CEP162: variants seen among roughly 807,000 people sequenced by gnomAD.
CEP162 encodes centrosomal protein 162, also known as centrosomal protein of 162 kDa.
Under a neutral mutation model 169.2 loss-of-function variants are expected in CEP162, and 141 were observed. That is an observed-to-expected ratio of 0.83 (90% CI 0.73 to 0.96). The LOEUF (loss-of-function observed/expected upper bound fraction) is 0.96, where lower values mean the gene tolerates loss of function less well. CEP162 is among the 40% of genes least tolerant of loss of function. The pLI, the probability that CEP162 is intolerant of heterozygous loss-of-function variation, is 0.00. For missense variants in CEP162, 1,600 were observed against 1,587.2 expected, an observed-to-expected ratio of 1.01 and a Z score of -0.14; for synonymous variants, 540 against 526.4, an observed-to-expected ratio of 1.03 and a Z score of -0.35.
At chr6:84,141,894 TA>T (rs919270499) in intron 25 of CEP162, among the ~76,000 whole-genome samples, 2 of 151,074 alleles carry the variant, frequency 1.3e-5, no homozygotes, top group African/African-American at 4.9e-5. Context: ...AAGAAAAACT[TA>T]AAAAAAAATA....
rs1469746213 is a variant in CEP162, at chr6:84,186,453, C to T, written c.1280G>A (p.Cys427Tyr). Residue 427 changes from cysteine to tyrosine, a missense_variant, in exon 12 of 27, where the codon TGT (cysteine) becomes TAT (tyrosine). Coordinates refer to ENST00000403245, the MANE Select transcript of CEP162 (RefSeq NM_014895.4). The stretch of plus-strand genomic sequence containing the variant: ...GGCAGTTACTTCAGTTACTTGTGGA[C>T]AGCTGTTTTCCATACTCTCATTTGT... ...KTTNESMENS[C>Y]PQVTEVTATE... The T allele has an allele frequency of 2.5e-6, 4 of 1,612,380 alleles. No individual in the cohort carries two copies. Among genetic ancestry groups the T allele is most frequent in the Non-Finnish European group, 2.5e-6 (3 of 1,178,776 alleles).
intron 2 of CEP162, among the ~76,000 whole-genome samples, chr6:84,224,249 CT>C (rs2099554852): frequency 6.6e-6 from 1 of 152,096 alleles, no homozygotes; most frequent in African/African-American, 2.4e-5. Context: ...ATGGATGAAC[CT>C]TGAAAACATC....
chr6:84,194,287 G>A (rs903855445), intron 10 of CEP162, among the ~76,000 whole-genome samples: 2 of 151,566 alleles, frequency 1.3e-5, no homozygotes, highest in African/African-American at 4.9e-5. Flanking sequence ...CCAGGGTGGC[G>A]GAGGCTGCTG....
chr6:84,161,641 A>T, intron 20 of CEP162, 105 bp downstream of exon 20: 1 of 811,570 alleles, frequency 1.2e-6, no homozygotes, highest in Non-Finnish European at 1.9e-6. Context: ...TTAATAGTTC[A>T]GATCTTAATT....
chr6:84,149,715 A>C lies in CEP162; in HGVS notation c.3630-12T>G. The C allele has an allele frequency of 6.8e-7, 1 of 1,474,366 alleles. No individual in the cohort carries two copies. Among genetic ancestry groups the C allele is most frequent in the Non-Finnish European group, 9.0e-7 (1 of 1,108,802 alleles). The allele number at this position is 1,474,366 out of a possible 1,614,324, so 91.3% of individuals were successfully genotyped here. On this transcript the variant is annotated splice_polypyrimidine_tract_variant and intron_variant, in intron 23 of 26. Coordinates refer to ENST00000403245, the MANE Select transcript of CEP162 (RefSeq NM_014895.4). ...TATCTTCCTTGACCCTACAGAGCAA[A>C]TGAAAGAAAACCACACATAAAAGTG... is the stretch of plus-strand genomic sequence containing the variant.
At chr6:84,150,427 T>C (rs2129200908) in intron 23 of CEP162, among the ~76,000 whole-genome samples, 2 of 152,274 alleles carry the variant, frequency 1.3e-5, no homozygotes, top group South Asian at 4.1e-4. Flanking sequence ...TTGCTATATA[T>C]TAATATGGTG....
chr6:84,145,467 T>C (rs938393337), intron 25 of CEP162, among the ~76,000 whole-genome samples: 12 of 152,168 alleles, frequency 7.9e-5, no homozygotes, highest in African/African-American at 2.7e-4. Context: ...TTATTGTGAT[T>C]ATCTCTGATA....
At chr6:84,194,785 GAAAC>G in intron 10 of CEP162, 95 bp downstream of exon 10, 2 of 993,840 alleles carry the variant, frequency 2.0e-6, no homozygotes, top group Non-Finnish European at 2.9e-6. Context: ...CAGAGACTGA[GAAAC>G]AATCACTACA....
At chr6:84,211,766 T>G (rs2099549582) in intron 6 of CEP162, among the ~76,000 whole-genome samples, 1 of 151,768 alleles carries the variant, frequency 6.6e-6, no homozygotes, top group Non-Finnish European at 1.5e-5. Context: ...ATTAATATTT[T>G]AAGAATTTAT....
At chr6:84,212,075 A>C (rs2099549722) in intron 6 of CEP162, among the ~76,000 whole-genome samples, 2 of 152,294 alleles carry the variant, frequency 1.3e-5, no homozygotes, top group Admixed American at 6.5e-5. Context: ...GTATCAAGTA[A>C]AAGTATTCCT....
Position 84,215,320 on chromosome 6 carries a change from C to T in CEP162, c.465G>A (p.Leu155=), listed in dbSNP as rs971877263. ...TAAAATGTGTAGAGTCATTAGAATC[C>T]AATTCCTTATTTAATCTCGAATAAT... ...SIDYSRLNKE[L]DSNDSTHFKA... The change falls in exon 5 of 27, where the codon TTG becomes TTA. Residue 155 remains leucine, a synonymous_variant. Transcript: ENST00000403245. The T allele has an allele frequency of 6.3e-7, 1 of 1,596,918 alleles. No homozygotes were observed. Among genetic ancestry groups the T allele is most frequent in the African/African-American group, 1.3e-5 (1 of 74,584 alleles).
intron 21 of CEP162, among the ~76,000 whole-genome samples, chr6:84,155,851 G>A (rs1285670833): frequency 1.3e-5 from 2 of 152,082 alleles, no homozygotes; most frequent in Admixed American, 1.3e-4. Flanking sequence ...AATTACCAAA[G>A]TCATTTTTCA....
At chr6:84,137,046 T>A (rs1454278753) in intron 25 of CEP162, among the ~76,000 whole-genome samples, 1 of 152,218 alleles carries the variant, frequency 6.6e-6, no homozygotes, top group Non-Finnish European at 1.5e-5. Flanking sequence ...GTATAAGAGA[T>A]ATCGGTTCTT....
intron 23 of CEP162, among the ~76,000 whole-genome samples, chr6:84,152,127 G>C (rs1363674662): frequency 1.3e-5 from 2 of 152,168 alleles, no homozygotes; most frequent in African/African-American, 4.8e-5. Flanking sequence ...AATTTGAAGA[G>C]TTATTTTTGA....
chr6:84,180,239 A>G (rs2099534193), intron 13 of CEP162, among the ~76,000 whole-genome samples: 1 of 152,188 alleles, frequency 6.6e-6, no homozygotes, highest in Non-Finnish European at 1.5e-5. Context: ...ACCAAAGACA[A>G]AAACCACATG....
intron 6 of CEP162, among the ~76,000 whole-genome samples, chr6:84,212,690 G>A (rs567383205): frequency 6.6e-6 from 1 of 152,086 alleles, no homozygotes; most frequent in East Asian, 1.9e-4. Context: ...GCTGTAAAGG[G>A]TAAAAACACA....
intron 7 of CEP162, 139 bp downstream of exon 7, chr6:84,203,842 G>C: frequency 2.3e-6 from 1 of 437,148 alleles, no homozygotes; most frequent in Non-Finnish European, 4.1e-6. Flanking sequence ...ATGTTTAACT[G>C]AGTATTAGGA....
At chr6:84,190,534 T>A (rs1456275145) in intron 11 of CEP162, among the ~76,000 whole-genome samples, 1 of 152,064 alleles carries the variant, frequency 6.6e-6, no homozygotes, top group African/African-American at 2.4e-5. Flanking sequence ...ATCTGCAGCT[T>A]CACTCCTGAG....
At chr6:84,157,342 G>C (rs967671775) in intron 21 of CEP162, among the ~76,000 whole-genome samples, 15 of 152,066 alleles carry the variant, frequency 9.9e-5, no homozygotes, top group African/African-American at 3.6e-4. Flanking sequence ...ATTACCTATG[G>C]GTTTATTTAC....
Sources: gnomAD v4.1 joint callset for allele counts (sites outside exome capture counted in the v4.1 genomes callset) on GRCh38, gnomAD v4.1.1 for gene constraint, MANE v1.5 for transcripts, NCBI Gene and HGNC (gene_info 2026-07-23, HGNC 2026-07-21) for gene names.